DEPTOR: variants seen among roughly 807,000 people sequenced by gnomAD.
DEPTOR encodes the protein DEP domain-containing mTOR-interacting protein.
Under a neutral mutation model 41.6 loss-of-function variants are expected in DEPTOR, and 41 were observed. The observed-to-expected ratio is 0.98, with a 90% CI of 0.77 to 1.28. The LOEUF is 1.28. Among genes scored for constraint, DEPTOR ranks in the 50% most tolerant of loss-of-function variants. DEPTOR has a pLI of 0.00. For synonymous variants in DEPTOR, 195 were observed against 192.3 expected (o/e 1.01, Z -0.12); for missense variants, 514 against 527.9 (o/e 0.97, Z 0.26).
intron 8 of DEPTOR, among the ~76,000 whole-genome samples, chr8:120,045,178 G>A (rs1813135788): frequency 6.6e-6 from 1 of 152,122 alleles, no homozygotes; most frequent in Non-Finnish European, 1.5e-5. Context: ...ACTCTTGACT[G>A]GCTGCTCTGG....
rs185379598 is a variant in DEPTOR, at chr8:119,985,474, G to A, written c.605-16051G>A. On this transcript the variant is annotated intron_variant, in intron 4 of 8. Coordinates refer to ENST00000286234, the MANE Select transcript of DEPTOR (RefSeq NM_022783.4). ...TAGCCCTTTGTCAGATGGATAGATT[G>A]CAAAAATTTTCACCCATTCTGTAGG... 3.7e-4 allele frequency among the ~76,000 whole-genome samples: 57 copies of A among 152,222 alleles called. 1 individual carries two copies. The East Asian group carries it at 0.011, about 29-fold the overall frequency.
chr8:120,019,855 G>A (rs1812671442), intron 8 of DEPTOR, among the ~76,000 whole-genome samples: 1 of 152,002 alleles, frequency 6.6e-6, no homozygotes, highest in African/African-American at 2.4e-5. Flanking sequence ...CTGTCACCCT[G>A]GAATCCTGCC....
Position 119,992,551 on chromosome 8 carries a change from C to T in DEPTOR, c.605-8974C>T, listed in dbSNP as rs80148561. ...TGCTATCGTAGTGCTGGATTCAGTTCACATGCTTCATGATGCCTGTTGTGT... is the reference window on the plus strand; with the variant it reads ...TGCTATCGTAGTGCTGGATTCAGTTTACATGCTTCATGATGCCTGTTGTGT... On this transcript the variant is annotated intron_variant, in intron 4 of 8. Coordinates refer to ENST00000286234, the MANE Select transcript of DEPTOR (RefSeq NM_022783.4). 5.8e-3 allele frequency among the ~76,000 whole-genome samples: 877 copies of T among 152,148 alleles called. 11 individuals are homozygous for T. Among genetic ancestry groups the T allele is most frequent in the African/African-American group, 0.02 (841 of 41,512 alleles).
At chr8:119,984,666 C>T (rs1586644721) in intron 4 of DEPTOR, among the ~76,000 whole-genome samples, 3 of 152,254 alleles carry the variant, frequency 2.0e-5, no homozygotes, top group African/African-American at 7.2e-5. Flanking sequence ...TTCAGTCTAT[C>T]ATTGAGGGAC....
chr8:120,027,248 A>AT (rs1000172202), intron 8 of DEPTOR, among the ~76,000 whole-genome samples: 11 of 149,570 alleles, frequency 7.4e-5, no homozygotes, highest in African/African-American at 2.7e-4. Context: ...AATAATAATA[A>AT]TAATAATAAT....
intron 4 of DEPTOR, among the ~76,000 whole-genome samples, chr8:119,983,053 G>C (rs566881008): frequency 6.6e-6 from 1 of 152,146 alleles, no homozygotes; most frequent in Non-Finnish European, 1.5e-5. Context: ...TGAAACATAC[G>C]CTTTTAAGGA....
At chr8:120,008,527 C>CAAAAA (rs35570467) in intron 7 of DEPTOR, among the ~76,000 whole-genome samples, 15,076 of 99,118 alleles carry the variant, frequency 0.15, 1,782 homozygotes, top group East Asian at 0.45. Flanking sequence ...GACTCTGTCT[C>CAAAAA]AAAAAAAAAA....
At chr8:119,913,671 G>T (rs927595037) in intron 1 of DEPTOR, among the ~76,000 whole-genome samples, 6 of 152,166 alleles carry the variant, frequency 3.9e-5, no homozygotes, top group Non-Finnish European at 8.8e-5. Context: ...AACCTGAGAA[G>T]TTTGAGTTGA....
At chr8:119,926,549 C>G (rs1162863067) in intron 1 of DEPTOR, among the ~76,000 whole-genome samples, 3 of 152,114 alleles carry the variant, frequency 2.0e-5, no homozygotes, top group Admixed American at 2.0e-4. Context: ...ATATTTGGGT[C>G]AAGCTTTTAC....
intron 4 of DEPTOR, among the ~76,000 whole-genome samples, chr8:119,996,046 A>G (rs1420388342): frequency 6.6e-6 from 1 of 152,266 alleles, no homozygotes; most frequent in East Asian, 1.9e-4. Context: ...CTTATTGGCA[A>G]CAATGCAAGT....
At chr8:119,914,895 A>G (rs888700965) in intron 1 of DEPTOR, among the ~76,000 whole-genome samples, 5 of 152,334 alleles carry the variant, frequency 3.3e-5, no homozygotes, top group Non-Finnish European at 7.3e-5. Flanking sequence ...TTCTCTGACT[A>G]TAATAGTTGC....
chr8:119,957,980 T>C (rs1828440983), intron 3 of DEPTOR, among the ~76,000 whole-genome samples: 2 of 152,212 alleles, frequency 1.3e-5, no homozygotes, highest in African/African-American at 4.8e-5. Flanking sequence ...CATCCATCAT[T>C]CTGTTGTGAC....
At chr8:119,985,826 CTTTTTTTTTTTTTTTTTTTTT>C (rs999602227) in intron 4 of DEPTOR, among the ~76,000 whole-genome samples, 11 of 41,606 alleles carry the variant, frequency 2.6e-4, no homozygotes, top group African/African-American at 4.5e-4. Context: ...AACCCCTGCT[CTTTTTTTTTTTTTTTTTTTTT>C]TTTTTTTTTT....
In DEPTOR at chr8:120,006,883, G is replaced by A; in HGVS notation, c.996+8G>A. The A allele has an allele frequency of 6.2e-7, 1 of 1,614,158 alleles. No individual in the cohort carries two copies. Among genetic ancestry groups the A allele is most frequent in the Non-Finnish European group, 8.5e-7 (1 of 1,179,998 alleles). ...GCAAGGAAGACATTCACGGTAGGCT[G>A]ATGGTCTGGCCTTTTTCTCCCGTGC... On this transcript the variant is annotated splice_region_variant and intron_variant, in intron 7 of 8. Coordinates refer to ENST00000286234, the MANE Select transcript of DEPTOR (RefSeq NM_022783.4).
chr8:120,024,861 G>T (rs1812775223), intron 8 of DEPTOR, among the ~76,000 whole-genome samples: 1 of 152,186 alleles, frequency 6.6e-6, no homozygotes. Context: ...CAGACACAGT[G>T]GCCATGTGCC....
chr8:119,879,071 A>G (rs924346217), intron 1 of DEPTOR, among the ~76,000 whole-genome samples: 1 of 151,462 alleles, frequency 6.6e-6, no homozygotes, highest in African/African-American at 2.4e-5. Flanking sequence ...GATCGCGCCA[A>G]TGCACTCCAG....
At chr8:119,967,173 G>C (rs766278940) in intron 4 of DEPTOR, among the ~76,000 whole-genome samples, 4 of 151,950 alleles carry the variant, frequency 2.6e-5, no homozygotes, top group Non-Finnish European at 4.4e-5. Flanking sequence ...CCGCCTCCCA[G>C]GTTCAGGTGA....
intron 4 of DEPTOR, among the ~76,000 whole-genome samples, chr8:119,987,712 T>C (rs1828847654): frequency 6.6e-6 from 1 of 152,152 alleles, no homozygotes; most frequent in Non-Finnish European, 1.5e-5. Context: ...GCTGCCTTTC[T>C]TCAGAGATGC....
intron 4 of DEPTOR, among the ~76,000 whole-genome samples, chr8:119,966,054 A>T (rs142778061): frequency 1.2e-4 from 18 of 152,302 alleles, no homozygotes; most frequent in African/African-American, 3.4e-4. Context: ...ACACACAGAC[A>T]TTTTTTCATC....
Sources: gnomAD v4.1 joint callset for allele counts (sites outside exome capture counted in the v4.1 genomes callset) on GRCh38, gnomAD v4.1.1 for gene constraint, MANE v1.5 for transcripts, NCBI Gene and HGNC (gene_info 2026-07-23, HGNC 2026-07-21) for gene names.